The following CNIH3 variants were observed in gnomAD, a reference collection of about 807,000 sequenced individuals.
CNIH3 encodes the protein cornichon family AMPA receptor auxiliary protein 3.
CNIH3 carries 14 observed loss-of-function variants against 24.1 expected under a neutral mutation model. The ratio of observed to expected loss-of-function variants is 0.58; its 90% CI spans 0.38 to 0.91. The LOEUF (loss-of-function observed/expected upper bound fraction) is 0.91, where lower values mean the gene tolerates loss of function less well. Ranked by LOEUF, CNIH3 falls within the 40% of genes least tolerant of loss-of-function variation. The pLI is 0.00. For synonymous variants in CNIH3, 68 were observed against 73.8 expected (o/e 0.92, Z 0.40); for missense variants, 178 against 196.8 (o/e 0.90, Z 0.57).
At chr1:224,636,318 A>G (rs1467991507) in intron 1 of CNIH3, among the ~76,000 whole-genome samples, 1 of 152,180 alleles carries the variant, frequency 6.6e-6, no homozygotes, top group African/African-American at 2.4e-5. Context: ...GAATCCTGAC[A>G]CCTGAAGGGA....
intron 5 of CNIH3, among the ~76,000 whole-genome samples, chr1:224,736,713 C>T (rs2125250137): frequency 6.6e-6 from 1 of 152,322 alleles, no homozygotes; most frequent in Admixed American, 6.5e-5. Context: ...CTGCTCCAGC[C>T]TGCAGGGAGC....
intron 3 of CNIH3, among the ~76,000 whole-genome samples, chr1:224,549,960 G>A (rs1331775611): frequency 2.0e-5 from 3 of 152,028 alleles, no homozygotes; most frequent in South Asian, 4.1e-4. Flanking sequence ...TGTAACCACC[G>A]GATAATATAA....
At chr1:224,577,266 A>T (rs988522467) in intron 4 of CNIH3, among the ~76,000 whole-genome samples, 1 of 152,224 alleles carries the variant, frequency 6.6e-6, no homozygotes, top group Non-Finnish European at 1.5e-5. Context: ...CAGAGTAAAC[A>T]GACAACTCAG....
At chr1:224,494,087 A>G (rs1046656573) in intron 1 of CNIH3, among the ~76,000 whole-genome samples, 2 of 152,228 alleles carry the variant, frequency 1.3e-5, no homozygotes. Context: ...AAAAGCCACC[A>G]GGGTCGATTT....
downstream of CNIH3, among the ~76,000 whole-genome samples, chr1:224,590,516 G>T (rs1173392220): frequency 6.6e-6 from 1 of 152,108 alleles, no homozygotes; most frequent in Non-Finnish European, 1.5e-5. Context: ...GGGCTGGGAA[G>T]TCCCAGAGCA....
chr1:224,572,881 C>T (rs1680881625), intron 4 of CNIH3, among the ~76,000 whole-genome samples: 1 of 152,090 alleles, frequency 6.6e-6, no homozygotes, highest in Non-Finnish European at 1.5e-5. Context: ...GTTGTTGAGA[C>T]AGGGTCTTGC....
intron 5 of CNIH3, among the ~76,000 whole-genome samples, chr1:224,736,325 T>C (rs114303504): frequency 0.016 from 2,364 of 152,118 alleles, 69 homozygotes; most frequent in African/African-American, 0.054. Flanking sequence ...AGGGTTTTGC[T>C]ATGTTGCCCA....
chr1:224,659,281 C>T (rs918384902), intron 1 of CNIH3, among the ~76,000 whole-genome samples: 9 of 152,012 alleles, frequency 5.9e-5, no homozygotes, highest in South Asian at 2.1e-4. Flanking sequence ...GTCAGTGCCC[C>T]GTAACTTAAT....
chr1:224,539,032 T>G (rs1679407810), downstream of CNIH3, among the ~76,000 whole-genome samples: 1 of 151,984 alleles, frequency 6.6e-6, no homozygotes, highest in Non-Finnish European at 1.5e-5. Context: ...CTGCTCAGAT[T>G]CTCTGTCTGA....
chr1:224,733,291 T>A (rs569795159), intron 4 of CNIH3, among the ~76,000 whole-genome samples: 1 of 152,302 alleles, frequency 6.6e-6, no homozygotes, highest in East Asian at 1.9e-4. Context: ...TGGTGACTGG[T>A]GACTGGCAGG....
At chr1:224,628,670 C>CT (rs1235396855) in intron 1 of CNIH3, among the ~76,000 whole-genome samples, 2 of 151,916 alleles carry the variant, frequency 1.3e-5, no homozygotes, top group Non-Finnish European at 2.9e-5. Context: ...ACTCAAAGGC[C>CT]CCCCACGCCC....
intron 1 of CNIH3, among the ~76,000 whole-genome samples, chr1:224,447,597 G>C (rs761215533): frequency 7.9e-5 from 12 of 152,128 alleles, no homozygotes; most frequent in Non-Finnish European, 1.6e-4. Context: ...CATCACAGTG[G>C]TAATTTCAGA....
At chr1:224,667,865 G>C (rs920675438) in intron 1 of CNIH3, among the ~76,000 whole-genome samples, 1 of 152,134 alleles carries the variant, frequency 6.6e-6, no homozygotes, top group African/African-American at 2.4e-5. Flanking sequence ...CATTATTTGA[G>C]GTGACATGGT....
intron 3 of CNIH3, among the ~76,000 whole-genome samples, chr1:224,716,909 C>T (rs1327484753): frequency 6.6e-6 from 1 of 152,228 alleles, no homozygotes; most frequent in Non-Finnish European, 1.5e-5. Context: ...AGAACACCCA[C>T]TTCTGCCACT....
At chr1:224,650,601 GGTGGAGGGGTGGGCA>G (rs975527526) in intron 1 of CNIH3, among the ~76,000 whole-genome samples, 10 of 152,256 alleles carry the variant, frequency 6.6e-5, no homozygotes, top group African/African-American at 2.4e-4. Flanking sequence ...ACTTGGTGGG[GGTGGAGGGGTGGGCA>G]GTGGAGGGAA....
chr1:224,561,512 G>A (rs941260118), intron 3 of CNIH3, among the ~76,000 whole-genome samples: 5 of 152,246 alleles, frequency 3.3e-5, no homozygotes, highest in South Asian at 4.1e-4. Flanking sequence ...CCTGAGCTGC[G>A]TCTGTCCCTC....
At chr1:224,578,312 A>G (rs114794878) in intron 4 of CNIH3, among the ~76,000 whole-genome samples, 181 of 152,318 alleles carry the variant, frequency 1.2e-3, no homozygotes, top group African/African-American at 4.1e-3. Context: ...ACTTGCTCCC[A>G]AGATATAAAT....
intron 5 of CNIH3, among the ~76,000 whole-genome samples, chr1:224,735,041 C>T (rs148044152): frequency 6.6e-6 from 1 of 152,266 alleles, no homozygotes; most frequent in South Asian, 2.1e-4. Context: ...CCTCTCACGA[C>T]TTTGCAGCTC....
Position 224,703,069 on chromosome 1 carries a change from A to AT in CNIH3, c.198+18227dup, listed in dbSNP as rs1218806462. Among the ~76,000 whole-genome samples the AT allele has an allele frequency of 2.0e-5, 3 of 152,216 alleles. No individual in the cohort carries two copies. Among genetic ancestry groups the AT allele is most frequent in the Non-Finnish European group, 4.4e-5 (3 of 68,040 alleles). ...TAAATGCTGCCAAGATAGCTCCAGT[A>AT]TGCAGGCAGAGGCAAACCATTGCCC... On this transcript the variant is annotated intron_variant, in intron 3 of 5. Transcript: ENST00000272133. This position sits in a 1 kb window ranked among gnomAD's most constrained non-coding sequence, Gnocchi z 4.2.
Sources: allele counts gnomAD v4.1 joint callset (sites outside exome capture counted in the v4.1 genomes callset), GRCh38; gene constraint gnomAD v4.1.1; non-coding constraint Gnocchi (gnomAD v3.1); transcripts MANE v1.5; gene names NCBI Gene and HGNC (gene_info 2026-07-23, HGNC 2026-07-21).